ADGRL3: variants seen among roughly 807,000 people sequenced by gnomAD.
ADGRL3 encodes the protein calcium-independent alpha-latrotoxin receptor 3.
A neutral mutation model predicts 153.5 loss-of-function variants in ADGRL3; 62 were observed. The ratio of observed to expected loss-of-function variants is 0.40; its 90% CI spans 0.33 to 0.50. The LOEUF is 0.50. Among genes scored for constraint, ADGRL3 ranks in the 20% least tolerant of loss-of-function variants. The pLI, the probability that ADGRL3 is intolerant of heterozygous loss-of-function variation, is 0.47. For missense variants in ADGRL3, 1,641 were observed against 1,859.4 expected (o/e 0.88, Z 2.16); for synonymous variants, 710 against 672.5 (o/e 1.06, Z -0.86).
chr4:61,302,612 G>A lies in ADGRL3; in HGVS notation c.-239-80512G>A, dbSNP rs1455571309. On this transcript the variant is annotated intron_variant, in intron 1 of 26. Transcript: ENST00000683033. ...AGTTTTGTGATATTTTGATTATTCA[G>A]GTTCAAAATTGCTAACATTTTTCAT... Among the ~76,000 whole-genome samples the A allele has an allele frequency of 2.0e-5, 3 of 151,594 alleles. No homozygotes were observed. In the South Asian group the frequency reaches 6.2e-4, roughly 32 times the overall value.
In ADGRL3 at chr4:62,071,107, C is replaced by T. The variant is rs941563866; in HGVS notation, c.*199C>T. On this transcript the variant is annotated 3_prime_UTR_variant, in exon 27 of 27. Coordinates refer to ENST00000683033, the MANE Select transcript of ADGRL3 (RefSeq NM_001387552.1). ...GGGAGAAAGATAACTGCTAAAATTC[C>T]CCTGTACCCCATCCTTTCTTGTCCT... 1 of 517,750 alleles carries T rather than the reference C, an allele frequency of 1.9e-6. No individual in the cohort carries two copies. Among genetic ancestry groups the T allele is most frequent in the African/African-American group, 1.9e-5 (1 of 52,760 alleles). The allele number at this position is 517,750 out of a possible 1,614,324, so 32.1% of individuals were successfully genotyped here. A position where few individuals can be genotyped will look rare whatever the true frequency, so the allele number is the denominator to read the frequency against.
chr4:61,476,971 G>T (rs183427168), intron 2 of ADGRL3, among the ~76,000 whole-genome samples: 4 of 151,386 alleles, frequency 2.6e-5, no homozygotes, highest in African/African-American at 4.8e-5. Context: ...TATGTAGTTA[G>T]TTATTTTGTT....
chr4:61,406,474 C>T (rs2096998324), intron 2 of ADGRL3, among the ~76,000 whole-genome samples: 1 of 139,386 alleles, frequency 7.2e-6, no homozygotes, highest in South Asian at 2.3e-4. Flanking sequence ...ATCAGTATGT[C>T]TTTCTCCATT....
chr4:61,928,509 T>G (rs1272218121), intron 13 of ADGRL3, among the ~76,000 whole-genome samples: 1 of 152,218 alleles, frequency 6.6e-6, no homozygotes, highest in East Asian at 1.9e-4. Context: ...TATGTTTTTC[T>G]TCTCTAACCT....
chr4:61,204,846 G>A (rs1485050446), intron 1 of ADGRL3, among the ~76,000 whole-genome samples: 1 of 152,086 alleles, frequency 6.6e-6, no homozygotes, highest in Non-Finnish European at 1.5e-5. Flanking sequence ...TGCTTTTGAT[G>A]TCTCATTTTT....
At chr4:62,048,507 C>T (rs951658491) in intron 25 of ADGRL3, among the ~76,000 whole-genome samples, 15 of 151,950 alleles carry the variant, frequency 9.9e-5, no homozygotes, top group East Asian at 2.0e-4. Flanking sequence ...GTGATCCACC[C>T]GCCTTGGCCT....
At chr4:61,494,082 G>GTT (rs200811187) in intron 2 of ADGRL3, among the ~76,000 whole-genome samples, 13 of 130,168 alleles carry the variant, frequency 1.0e-4, no homozygotes, top group African/African-American at 1.4e-4. Context: ...ACTGTGTCCT[G>GTT]TTTTTTTTTT....
chr4:61,640,827 A>G (rs1020335850), intron 5 of ADGRL3, among the ~76,000 whole-genome samples: 1 of 152,186 alleles, frequency 6.6e-6, no homozygotes, highest in Non-Finnish European at 1.5e-5. Flanking sequence ...TCTTTTGACA[A>G]AAGTACTTTG....
At chr4:61,837,846 A>G (rs891726831) in intron 9 of ADGRL3, among the ~76,000 whole-genome samples, 1 of 152,148 alleles carries the variant, frequency 6.6e-6, no homozygotes, top group African/African-American at 2.4e-5. Flanking sequence ...CGCTGTTGTC[A>G]GTAAACAGAC....
intron 2 of ADGRL3, among the ~76,000 whole-genome samples, chr4:61,390,451 T>C (rs555260856): frequency 6.6e-6 from 1 of 152,308 alleles, no homozygotes; most frequent in Admixed American, 6.5e-5. Flanking sequence ...CTATAAATAT[T>C]TATAGATCGG....
At chr4:61,480,641 G>T (rs1405232325) in intron 2 of ADGRL3, among the ~76,000 whole-genome samples, 1 of 151,996 alleles carries the variant, frequency 6.6e-6, no homozygotes, top group South Asian at 2.1e-4. Context: ...AAATTAGCTG[G>T]GCGGGGTTTC....
chr4:61,506,360 C>T (rs752399993), intron 3 of ADGRL3, among the ~76,000 whole-genome samples: 1 of 152,088 alleles, frequency 6.6e-6, no homozygotes, highest in Non-Finnish European at 1.5e-5. Flanking sequence ...GGGTCACTTA[C>T]ATTCCACAGT....
intron 25 of ADGRL3, among the ~76,000 whole-genome samples, chr4:62,066,457 T>A (rs1393147649): frequency 6.6e-6 from 1 of 152,084 alleles, no homozygotes; most frequent in Non-Finnish European, 1.5e-5. Context: ...GGAATGAAGA[T>A]GAATAATATA....
chr4:61,430,777 T>A (rs1027977368), intron 2 of ADGRL3, among the ~76,000 whole-genome samples: 4 of 152,154 alleles, frequency 2.6e-5, no homozygotes, highest in Non-Finnish European at 4.4e-5. Flanking sequence ...CACCACTAAA[T>A]GACTATGTAG....
intron 2 of ADGRL3, among the ~76,000 whole-genome samples, chr4:61,431,205 G>C (rs1418466756): frequency 6.6e-6 from 1 of 152,208 alleles, no homozygotes; most frequent in Non-Finnish European, 1.5e-5. Context: ...ATCTATCCTT[G>C]TGAGGAATCG....
chr4:61,368,804 G>A (rs1269996679), intron 1 of ADGRL3, among the ~76,000 whole-genome samples: 1 of 152,054 alleles, frequency 6.6e-6, no homozygotes, highest in Non-Finnish European at 1.5e-5. Flanking sequence ...CATTGAATCT[G>A]TAAATTACCT....
At chr4:61,884,368 A>G (rs2098525197) in intron 9 of ADGRL3, among the ~76,000 whole-genome samples, 1 of 152,156 alleles carries the variant, frequency 6.6e-6, no homozygotes, top group South Asian at 2.1e-4. Flanking sequence ...AGAGCTTTAG[A>G]ACACTGCCTG....
At chr4:61,643,061 G>A (rs1378726424) in intron 5 of ADGRL3, among the ~76,000 whole-genome samples, 2 of 152,146 alleles carry the variant, frequency 1.3e-5, no homozygotes, top group African/African-American at 4.8e-5. Context: ...TTGTGAATGG[G>A]AGATCACTCA....
At chr4:61,939,396 T>C (rs1427285562) in intron 15 of ADGRL3, among the ~76,000 whole-genome samples, 1 of 152,124 alleles carries the variant, frequency 6.6e-6, no homozygotes. Flanking sequence ...CTTACCAGTC[T>C]TCTTATTCCT....
Sources: gnomAD v4.1 joint callset for allele counts (sites outside exome capture counted in the v4.1 genomes callset) on GRCh38, gnomAD v4.1.1 for gene constraint, MANE v1.5 for transcripts, NCBI Gene and HGNC (gene_info 2026-07-23, HGNC 2026-07-21) for gene names.